ECM2: variants seen among roughly 807,000 people sequenced by gnomAD.
ECM2 encodes the protein extracellular matrix protein 2.
In ECM2, 57 loss-of-function variants were observed where a neutral mutation model predicts 67.5. The ratio of observed to expected loss-of-function variants is 0.84; its 90% CI spans 0.68 to 1.05. The LOEUF is 1.05. Among genes scored for constraint, ECM2 ranks in the 50% least tolerant of loss-of-function variants. The probability of loss-of-function intolerance (pLI) is 0.00; values close to 1 mark genes in which losing one functional copy is unlikely to be tolerated. For missense variants in ECM2, 741 were observed against 822.8 expected (o/e 0.90, Z 1.22); for synonymous variants, 258 against 294.5 (o/e 0.88, Z 1.27).
the ECM2 span, among the ~76,000 whole-genome samples, chr9:92,546,644 C>T: frequency 6.6e-5 from 10 of 152,266 alleles, no homozygotes; most frequent in African/African-American, 1.2e-4. Context: ...ACTCTGGACA[C>T]GCTGCCTTTA....
At chr9:92,549,646 C>CAAAAAAAAAAAA in the ECM2 span, among the ~76,000 whole-genome samples, 1 of 90,610 alleles carries the variant, frequency 1.1e-5, no homozygotes, top group Non-Finnish European at 2.0e-5. Context: ...GACTCCGTCT[C>CAAAAAAAAAAAA]AAAAAAAAAA....
the ECM2 span, among the ~76,000 whole-genome samples, chr9:92,552,384 G>A: frequency 6.6e-6 from 1 of 152,082 alleles, no homozygotes; most frequent in African/African-American, 2.4e-5. Context: ...TGGATCAACT[G>A]GTGGTTCTAC....
chr9:92,507,497 C>T (rs1847076675), intron 6 of ECM2, among the ~76,000 whole-genome samples: 1 of 152,118 alleles, frequency 6.6e-6, no homozygotes, highest in African/African-American at 2.4e-5. Flanking sequence ...TAGGAGGTAA[C>T]AGGAAATAGG....
intron 1 of ECM2, among the ~76,000 whole-genome samples, chr9:92,527,735 A>T (rs1215045157): frequency 6.6e-6 from 1 of 152,002 alleles, no homozygotes; most frequent in Non-Finnish European, 1.5e-5. Flanking sequence ...GTCTTGGCAA[A>T]TATTGTGATT....
chr9:92,554,702 A>G, the ECM2 span, among the ~76,000 whole-genome samples: 1 of 151,870 alleles, frequency 6.6e-6, no homozygotes, highest in East Asian at 1.9e-4. Flanking sequence ...CAGTGGCACA[A>G]TCTCGGTTTA....
At chr9:92,525,883 ACT>A (rs1848367975) in intron 1 of ECM2, among the ~76,000 whole-genome samples, 1 of 135,800 alleles carries the variant, frequency 7.4e-6, no homozygotes, top group South Asian at 2.4e-4. Context: ...GTGCAGAGAG[ACT>A]CTATCTCCAA....
At chr9:92,545,766 G>A in the ECM2 span, among the ~76,000 whole-genome samples, 1 of 152,234 alleles carries the variant, frequency 6.6e-6, no homozygotes, top group South Asian at 2.1e-4. Flanking sequence ...CTAGCTAAGG[G>A]ATTGTAGATA....
chr9:92,551,687 T>C, the ECM2 span, among the ~76,000 whole-genome samples: 2 of 151,820 alleles, frequency 1.3e-5, no homozygotes, highest in African/African-American at 4.8e-5. Context: ...CACTCTTCCC[T>C]TCAAGTCCCC....
chr9:92,513,043 T>C (rs1415106984), intron 4 of ECM2, among the ~76,000 whole-genome samples: 1 of 152,176 alleles, frequency 6.6e-6, no homozygotes, highest in African/African-American at 2.4e-5. Context: ...GATGGCCATC[T>C]CTGCACAAAT....
the ECM2 span, among the ~76,000 whole-genome samples, chr9:92,554,913 G>A: frequency 6.6e-6 from 1 of 152,156 alleles, no homozygotes; most frequent in African/African-American, 2.4e-5. Flanking sequence ...TGAGATTACA[G>A]GCATGAGCCA....
At chr9:92,499,350 A>G (rs1253968470) in intron 9 of ECM2, among the ~76,000 whole-genome samples, 2 of 152,226 alleles carry the variant, frequency 1.3e-5, no homozygotes, top group Non-Finnish European at 2.9e-5. Context: ...AAGCAGCCCT[A>G]GTTGATGAGC....
At chr9:92,537,044 AT>A (rs112330831), upstream of ECM2, among the ~76,000 whole-genome samples, 77 of 142,316 alleles carry the variant, frequency 5.4e-4, no homozygotes, top group Admixed American at 6.3e-4. Flanking sequence ...TAATTTTTGT[AT>A]TTTTTTTTTT....
chr9:92,531,711 C>T (rs1338106255), intron 1 of ECM2, among the ~76,000 whole-genome samples: 1 of 152,076 alleles, frequency 6.6e-6, no homozygotes, highest in Non-Finnish European at 1.5e-5. Flanking sequence ...TTAGGTTTAC[C>T]TAAACATTTA....
rs762598771 is a variant in ECM2, at chr9:92,514,831, T to TCCTCCTCAC, written c.845_853dup (p.Gly282_Glu284dup). The stretch of plus-strand genomic sequence containing the variant: ...TACCGGGTCCTCCTCGTCCTCCTCA[T>TCCTCCTCAC]CCTCCTCACCCTCCTCACCCTCCTC... On this transcript the variant is annotated inframe_insertion, in exon 4 of 10. Coordinates refer to ENST00000344604, the MANE Select transcript of ECM2 (RefSeq NM_001393.4). 142 of 1,611,922 alleles carry TCCTCCTCAC rather than the reference T, an allele frequency of 8.8e-5. No individual in the cohort carries two copies. The highest frequency in any genetic ancestry group is 3.1e-4 in the South Asian group (28 of 90,786).
intron 6 of ECM2, among the ~76,000 whole-genome samples, chr9:92,506,452 T>G (rs1040157409): frequency 1.2e-4 from 19 of 152,290 alleles, no homozygotes; most frequent in African/African-American, 4.6e-4. Flanking sequence ...AGTTCTGTGC[T>G]GCAAAATGGA....
At position 92,533,328 on chromosome 9, in the gene ECM2, A is replaced by AAAAT. The variant is rs1554683138; in HGVS notation, c.-28+2604_-28+2605insATTT. ...CAAAAAAAAAAAAAAAAAAAAAAAA[A>AAAAT]ATATATATATATATATATATATATA... On this transcript the variant is annotated intron_variant, in intron 1 of 9. Coordinates refer to ENST00000344604, the MANE Select transcript of ECM2 (RefSeq NM_001393.4). 3.3e-3 allele frequency among the ~76,000 whole-genome samples: 127 copies of AAAAT among 38,320 alleles called. 1 individual carries two copies. Among genetic ancestry groups the AAAAT allele is most frequent in the Non-Finnish European group, 4.1e-3 (97 of 23,486 alleles). 25.1% of individuals were successfully genotyped at this position (38,320 alleles called of 152,430 possible). A position where few individuals can be genotyped will look rare whatever the true frequency, so the allele number is the denominator to read the frequency against.
chr9:92,511,081 AC>A (rs1366098806), intron 5 of ECM2, among the ~76,000 whole-genome samples: 4 of 151,372 alleles, frequency 2.6e-5, no homozygotes, highest in African/African-American at 7.3e-5. Context: ...ACAAACATAA[AC>A]CCCTTTTCTC....
chr9:92,510,739 G>A (rs896891936), intron 5 of ECM2, among the ~76,000 whole-genome samples: 2 of 152,178 alleles, frequency 1.3e-5, no homozygotes, highest in African/African-American at 2.4e-5. Context: ...CAACAGTTTC[G>A]GAATGGGACA....
Position 92,501,001 on chromosome 9 carries a change from A to G in ECM2, c.1657T>C (p.Tyr553His), listed in dbSNP as rs1846637893. ...SYNKLYHVPS[Y>H]LPKSLLHLVL... is the part of the protein sequence containing the mutation. ...AGGTGCAGCAAGGACTTGGGTAGAT[A>G]GGACGGGACGTGATAGAGCTTGTTG... Residue 553 changes from tyrosine to histidine, a missense_variant, in exon 9 of 10, where the codon TAT becomes CAT. Transcript: ENST00000344604. 3 of 1,614,104 alleles carry G rather than the reference A, an allele frequency of 1.9e-6. No homozygotes were observed. Among genetic ancestry groups the G allele is most frequent in the African/African-American group, 2.7e-5 (2 of 74,936 alleles).
Sources: gnomAD v4.1 joint callset for allele counts (sites outside exome capture counted in the v4.1 genomes callset) on GRCh38, gnomAD v4.1.1 for gene constraint, MANE v1.5 for transcripts, NCBI Gene and HGNC (gene_info 2026-07-23, HGNC 2026-07-21) for gene names.